SLC9A7: variants seen among roughly 807,000 people sequenced by gnomAD.
The protein encoded by SLC9A7 is sodium/hydrogen exchanger 7.
A neutral mutation model predicts 52.6 loss-of-function variants in SLC9A7; 19 were observed. That is an observed-to-expected ratio of 0.36 (90% confidence interval 0.25 to 0.53). The LOEUF (loss-of-function observed/expected upper bound fraction) is 0.53. Ranked by LOEUF, SLC9A7 falls within the 20% of genes least tolerant of loss-of-function variation. SLC9A7 has a pLI of 0.91. For synonymous variants in SLC9A7, 226 were observed against 252.1 expected (o/e 0.90, Z 0.98); for missense variants, 455 against 597.9 (o/e 0.76, Z 2.49).
chrX:46,653,062 A>G (rs1397323941), intron 8 of SLC9A7, among the ~76,000 whole-genome samples: 2 of 112,466 alleles, frequency 1.8e-5, no homozygotes, highest in African/African-American at 6.5e-5. Context: ...GTACTCAAAA[A>G]TGTAATTGAC....
rs762868320 is a variant in SLC9A7 at position 46,643,211 on chromosome X, C to A, written c.1616+25G>T. The A allele has an allele frequency of 3.4e-6, 4 of 1,188,560 alleles. No homozygotes were observed. The Admixed American group carries it at 8.8e-5, about 26-fold the overall frequency. On this transcript the variant is annotated intron_variant, in intron 12 of 16. Transcript: ENST00000616978. ...CAGGAACGGTGACAACTGACATACTCAATTAGCCTTGGTTCCAAACCAACC... is the reference window on the plus strand; with the variant it reads ...CAGGAACGGTGACAACTGACATACTAAATTAGCCTTGGTTCCAAACCAACC...
At chrX:46,639,394 G>A (rs980778804) in intron 12 of SLC9A7, among the ~76,000 whole-genome samples, 3 of 106,491 alleles carry the variant, frequency 2.8e-5, no homozygotes, top group Admixed American at 1.0e-4. Flanking sequence ...CCATTCTCCC[G>A]CCTCAGCCTC....
chrX:46,709,620 A>C (rs1464717282), intron 1 of SLC9A7, among the ~76,000 whole-genome samples: 1 of 111,784 alleles, frequency 8.9e-6, no homozygotes, highest in African/African-American at 3.3e-5. Context: ...CAACAAAAAA[A>C]AACCCTACTG....
chrX:46,647,238 C>T lies in SLC9A7; in HGVS notation c.1462+1448G>A, dbSNP rs1015638290. Reference sequence around the variant, plus strand: ...CCACACTTCGCCTCCTTGTGGCTCCCGGGCTCAGGGCGGTGTCCTTCCAGC... The same window carrying T: ...CCACACTTCGCCTCCTTGTGGCTCCTGGGCTCAGGGCGGTGTCCTTCCAGC... On this transcript the variant is annotated intron_variant, in intron 11 of 16. Transcript: ENST00000616978. 6 of 202,015 alleles carry T rather than the reference C, an allele frequency of 3.0e-5. No individual in the cohort carries two copies. In the South Asian group the frequency reaches 3.6e-4, roughly 12 times the overall value. 16.6% of individuals were successfully genotyped at this position (202,015 alleles called of 1,213,427 possible).
At position 46,682,300 on chromosome X, in the gene SLC9A7, T is replaced by C. The variant is rs369028399; in HGVS notation, c.525+36A>G. 1.9e-5 allele frequency: 22 copies of C among 1,169,702 alleles called. No individual in the cohort carries two copies. The African/African-American group carries it at 3.7e-4, about 20-fold the overall frequency. On this transcript the variant is annotated intron_variant, in intron 2 of 16. Coordinates refer to ENST00000616978, the MANE Select transcript of SLC9A7 (RefSeq NM_001257291.2). Reference sequence around the variant, plus strand: ...AGACAAGTCAGGGAATCAACAACCATGTCAGGACAAGGATGGCTGAGTGTC... The same window carrying C: ...AGACAAGTCAGGGAATCAACAACCACGTCAGGACAAGGATGGCTGAGTGTC...
intron 1 of SLC9A7, among the ~76,000 whole-genome samples, chrX:46,746,846 T>C (rs1921820932): frequency 8.9e-6 from 1 of 112,650 alleles, no homozygotes; most frequent in South Asian, 3.6e-4. Context: ...CACTCCTGTG[T>C]TTGTTGCAGC....
At chrX:46,676,348 A>G (rs900454063) in intron 3 of SLC9A7, among the ~76,000 whole-genome samples, 3 of 111,784 alleles carry the variant, frequency 2.7e-5, no homozygotes, top group African/African-American at 9.8e-5. Flanking sequence ...GGTGGGGAGA[A>G]ATCCCTCCCA....
chrX:46,748,414 A>C (rs760814226), intron 1 of SLC9A7, among the ~76,000 whole-genome samples: 94 of 96,492 alleles, frequency 9.7e-4, no homozygotes, highest in Non-Finnish European at 1.4e-3. Context: ...GAAGGAAGGA[A>C]GGACAGACAG....
At position 46,605,484 on chromosome X, in the gene SLC9A7, C is replaced by T. The variant is rs951767160; in HGVS notation, c.*1468G>A. ...AGGAAAATGACCCTTCTCTGCATGG[C>T]ACTCAGTGGTGTAAAGACACTCGGA... On this transcript the variant is annotated 3_prime_UTR_variant, in exon 17 of 17. Transcript: ENST00000616978. 10 of 111,364 alleles carry T rather than the reference C, an allele frequency of 9.0e-5. No individual in the cohort carries two copies. Among genetic ancestry groups the T allele is most frequent in the Non-Finnish European group, 1.7e-4 (9 of 53,143 alleles). The allele number at this position is 111,364 out of a possible 1,213,427, so 9.2% of individuals were successfully genotyped here. A position where few individuals can be genotyped will look rare whatever the true frequency, so the allele number is the denominator to read the frequency against.
chrX:46,627,441 C>T (rs756280524), intron 14 of SLC9A7, among the ~76,000 whole-genome samples: 103 of 111,823 alleles, frequency 9.2e-4, no homozygotes, highest in Admixed American at 1.5e-3. Context: ...GTAAAATGTA[C>T]ACACATTCCC....
intron 1 of SLC9A7, among the ~76,000 whole-genome samples, chrX:46,712,543 T>C (rs1330837554): frequency 9.0e-6 from 1 of 111,428 alleles, no homozygotes; most frequent in East Asian, 2.8e-4. Context: ...ACATGAGAGG[T>C]CACATTTCAA....
At chrX:46,607,353 G>A (rs1381350237) in intron 16 of SLC9A7, 150 bp from the exon 17 acceptor site, 5 of 611,064 alleles carry the variant, frequency 8.2e-6, no homozygotes, top group Middle Eastern at 4.6e-4. Flanking sequence ...GTAACTGGAT[G>A]TAAACTGTAG....
intron 1 of SLC9A7, among the ~76,000 whole-genome samples, chrX:46,698,481 A>G (rs1944482209): frequency 8.9e-6 from 1 of 112,352 alleles, no homozygotes; most frequent in African/African-American, 3.2e-5. Flanking sequence ...ATTTCAAAAC[A>G]TGTTGTACAC....
intron 1 of SLC9A7, among the ~76,000 whole-genome samples, chrX:46,722,260 ACTGT>A (rs1316125046): frequency 8.9e-6 from 1 of 112,352 alleles, no homozygotes; most frequent in Non-Finnish European, 1.9e-5. Flanking sequence ...TAAAATCATC[ACTGT>A]CTTAGTGTTT....
intron 5 of SLC9A7, among the ~76,000 whole-genome samples, chrX:46,668,907 C>T (rs1458314486): frequency 9.0e-6 from 1 of 111,679 alleles, no homozygotes; most frequent in Non-Finnish European, 1.9e-5. Context: ...GTGGCTCACA[C>T]CTGTAATCCC....
At chrX:46,617,730 T>C (rs888590523) in intron 15 of SLC9A7, among the ~76,000 whole-genome samples, 1 of 112,186 alleles carries the variant, frequency 8.9e-6, no homozygotes, top group African/African-American at 3.2e-5. Flanking sequence ...GTCACTAAAA[T>C]TTAGATTCAG....
At chrX:46,653,804 G>T in intron 7 of SLC9A7, 90 bp from the exon 8 acceptor site, 1 of 596,348 alleles carries the variant, frequency 1.7e-6, no homozygotes. Context: ...CCTCCCCAAA[G>T]GGCTAGCCTT....
rs1396728845 is a variant in SLC9A7 at position 46,602,249 on chromosome X, TTATGGAG to T, written c.*4696_*4702del. 2 of 111,849 alleles carry T rather than the reference TTATGGAG, an allele frequency of 1.8e-5. No individual in the cohort carries two copies. The highest frequency in any genetic ancestry group is 6.5e-5 in the African/African-American group (2 of 30,738). 9.2% of individuals were successfully genotyped at this position (111,849 alleles called of 1,213,427 possible). The stretch of plus-strand genomic sequence containing the variant: ...TTTTCGTGATCTTTTCAGCTGTACT[TTATGGAG>T]TATGTTCTTGAGTTCTGCAAAGATT... On this transcript the variant is annotated 3_prime_UTR_variant, in exon 17 of 17. Transcript: ENST00000616978.
intron 14 of SLC9A7, among the ~76,000 whole-genome samples, chrX:46,622,337 A>G (rs1163388171): frequency 8.9e-6 from 1 of 111,840 alleles, no homozygotes; most frequent in Non-Finnish European, 1.9e-5. Flanking sequence ...TGCTAACCCA[A>G]TGACAACTCT....
Sources: gnomAD v4.1 joint callset for allele counts (sites outside exome capture counted in the v4.1 genomes callset) on GRCh38, gnomAD v4.1.1 for gene constraint, MANE v1.5 for transcripts, NCBI Gene and HGNC (gene_info 2026-07-23, HGNC 2026-07-21) for gene names.